The following DPYD variants were observed in gnomAD, a reference collection of about 807,000 sequenced individuals.
DPYD encodes dihydropyrimidine dehydrogenase.
A neutral mutation model predicts 116.2 loss-of-function variants in DPYD; 109 were observed. The observed-to-expected ratio is 0.94, with a 90% CI of 0.80 to 1.10. The LOEUF (loss-of-function observed/expected upper bound fraction) is 1.10. Among genes scored for constraint, DPYD ranks in the 50% least tolerant of loss-of-function variants. The pLI is 0.00. For synonymous variants in DPYD, 440 were observed against 432.0 expected (o/e 1.02, Z -0.23); for missense variants, 1,302 against 1,254.5 (o/e 1.04, Z -0.57).
chr1:97,840,083 T>C (rs1320541472), intron 2 of DPYD, among the ~76,000 whole-genome samples: 1 of 152,172 alleles, frequency 6.6e-6, no homozygotes. Flanking sequence ...CACAATAGTT[T>C]GTTGTTTCTC....
At chr1:97,506,563 G>A (rs1467477470) in intron 13 of DPYD, among the ~76,000 whole-genome samples, 1 of 151,748 alleles carries the variant, frequency 6.6e-6, no homozygotes, top group African/African-American at 2.4e-5. Flanking sequence ...CTGAATAAGA[G>A]GTACTTTCCA....
intron 13 of DPYD, among the ~76,000 whole-genome samples, chr1:97,475,555 C>T (rs904732877): frequency 4.6e-5 from 7 of 152,132 alleles, no homozygotes; most frequent in Non-Finnish European, 4.4e-5. Context: ...TGAGTTGTGG[C>T]CTTTCCTCTA....
At chr1:97,830,002 G>C (rs565720067) in intron 2 of DPYD, among the ~76,000 whole-genome samples, 1 of 151,630 alleles carries the variant, frequency 6.6e-6, no homozygotes, top group African/African-American at 2.4e-5. Context: ...TGCTGTGTTC[G>C]GTTTTCTCTC....
chr1:97,169,997 G>T (rs1250870191), intron 20 of DPYD, among the ~76,000 whole-genome samples: 1 of 152,118 alleles, frequency 6.6e-6, no homozygotes, highest in African/African-American at 2.4e-5. Context: ...CATTATCCTG[G>T]GAATTCTTCT....
intron 18 of DPYD, among the ~76,000 whole-genome samples, chr1:97,263,326 A>T (rs1460465933): frequency 6.6e-6 from 1 of 152,134 alleles, no homozygotes; most frequent in Non-Finnish European, 1.5e-5. Context: ...ACATGAAATC[A>T]CTATAAAGCT....
Position 97,433,380 on chromosome 1 carries a change from G to T in DPYD, c.1905+16679C>A, listed in dbSNP as rs571470705. Among the ~76,000 whole-genome samples the T allele has an allele frequency of 3.9e-5, 6 of 152,156 alleles. No individual in the cohort carries two copies. In the East Asian group the frequency reaches 1.2e-3, roughly 29 times the overall value. On this transcript the variant is annotated intron_variant, in intron 14 of 22. Transcript: ENST00000370192. ...ACAACTCTAAAAACATTCATTAAAAGTTCTTTACAATTTTAACTGGTGTCT... is the reference window on the plus strand; with the variant it reads ...ACAACTCTAAAAACATTCATTAAAATTTCTTTACAATTTTAACTGGTGTCT...
intron 14 of DPYD, among the ~76,000 whole-genome samples, chr1:97,402,995 T>C (rs1673453562): frequency 6.6e-6 from 1 of 152,098 alleles, no homozygotes; most frequent in Admixed American, 6.6e-5. Context: ...TTTTTATACA[T>C]TGTTGCGTTG....
At chr1:97,891,012 G>T (rs1672746451) in intron 1 of DPYD, among the ~76,000 whole-genome samples, 1 of 151,842 alleles carries the variant, frequency 6.6e-6, no homozygotes, top group Non-Finnish European at 1.5e-5. Flanking sequence ...AAAATAAATT[G>T]GATTGTGCAA....
At chr1:97,097,447 C>G (rs1650346935) in intron 21 of DPYD, among the ~76,000 whole-genome samples, 1 of 152,056 alleles carries the variant, frequency 6.6e-6, no homozygotes, top group Admixed American at 6.6e-5. Flanking sequence ...ATATTTCAAA[C>G]AGAAAATGGA....
chr1:97,306,573 A>G (rs1667186784), intron 16 of DPYD, among the ~76,000 whole-genome samples: 2 of 152,004 alleles, frequency 1.3e-5, no homozygotes, highest in Admixed American at 1.3e-4. Flanking sequence ...AATGGAAGAC[A>G]GTGTTTCCCA....
intron 11 of DPYD, among the ~76,000 whole-genome samples, chr1:97,566,197 T>C (rs1652508074): frequency 1.3e-5 from 2 of 152,158 alleles, no homozygotes; most frequent in Non-Finnish European, 2.9e-5. Context: ...AAGTACAATT[T>C]ATTGTAATTC....
At chr1:97,200,549 AG>A in intron 19 of DPYD, among the ~76,000 whole-genome samples, 1 of 152,278 alleles carries the variant, frequency 6.6e-6, no homozygotes, top group South Asian at 2.1e-4. Flanking sequence ...CTCAGGAAAA[AG>A]AAGGTTATAT....
At chr1:97,870,754 C>T (rs1202885176) in intron 2 of DPYD, among the ~76,000 whole-genome samples, 4 of 151,886 alleles carry the variant, frequency 2.6e-5, no homozygotes, top group South Asian at 2.1e-4. Context: ...GACGTCAGTT[C>T]AAAGGATCAG....
At chr1:97,429,640 A>G (rs983817242) in intron 14 of DPYD, among the ~76,000 whole-genome samples, 4 of 152,054 alleles carry the variant, frequency 2.6e-5, no homozygotes, top group Non-Finnish European at 5.9e-5. Flanking sequence ...AAGGATAATG[A>G]TACCTCCTGT....
chr1:97,236,914 A>T (rs1379777110), intron 18 of DPYD, among the ~76,000 whole-genome samples: 4 of 152,080 alleles, frequency 2.6e-5, no homozygotes, highest in Non-Finnish European at 5.9e-5. Context: ...AACTGCTCTA[A>T]AAAATAAAGT....
intron 15 of DPYD, among the ~76,000 whole-genome samples, chr1:97,376,284 T>C (rs1300814403): frequency 6.6e-6 from 1 of 152,228 alleles, no homozygotes. Flanking sequence ...GGAGTTGTCA[T>C]AGTGTGTTAC....
rs563951720 is a variant in DPYD at position 97,740,313 on chromosome 1, C to T, written c.321+79G>A. On this transcript the variant is annotated intron_variant, in intron 4 of 22. Coordinates refer to ENST00000370192, the MANE Select transcript of DPYD (RefSeq NM_000110.4). Reference sequence around the variant, plus strand: ...GTTTAACTGGATTTGCTAAGACAAGCTGTATTCTGTACCCACAGATAATAG... The same window carrying T: ...GTTTAACTGGATTTGCTAAGACAAGTTGTATTCTGTACCCACAGATAATAG... 164 of 1,208,572 alleles carry T rather than the reference C, an allele frequency of 1.4e-4. 1 individual carries two copies. In the South Asian group the frequency reaches 1.9e-3, roughly 14 times the overall value. The allele number at this position is 1,208,572 out of a possible 1,614,324, so 74.9% of individuals were successfully genotyped here.
chr1:97,606,479 T>C (rs1164048139), intron 8 of DPYD, among the ~76,000 whole-genome samples: 1 of 151,908 alleles, frequency 6.6e-6, no homozygotes, highest in Non-Finnish European at 1.5e-5. Context: ...GATTAATGTT[T>C]CCAGTCATAG....
At position 97,128,043 on chromosome 1, in the gene DPYD, G is replaced by T. The variant is rs60480849; in HGVS notation, c.2623-29411C>A. On this transcript the variant is annotated intron_variant, in intron 20 of 22. Transcript: ENST00000370192. ...AGTGTTGGTTCATGCTGGAGTGCAG[G>T]TTCCTCAGTATCAAGTATTAGTATT... is the stretch of plus-strand genomic sequence containing the variant. Among the ~76,000 whole-genome samples the T allele has an allele frequency of 5.6e-3, 845 of 152,228 alleles. 6 individuals are homozygous for T. Among genetic ancestry groups the T allele is most frequent in the African/African-American group, 0.019 (779 of 41,550 alleles).
Sources: allele counts gnomAD v4.1 joint callset (sites outside exome capture counted in the v4.1 genomes callset), GRCh38; gene constraint gnomAD v4.1.1; transcripts MANE v1.5; gene names NCBI Gene and HGNC (gene_info 2026-07-23, HGNC 2026-07-21).